MACROD1: variants seen among roughly 807,000 people sequenced by gnomAD.
MACROD1 encodes the protein ADP-ribose glycohydrolase MACROD1.
A neutral mutation model predicts 41.4 loss-of-function variants in MACROD1; 31 were observed. The observed-to-expected ratio is 0.75, with a 90% confidence interval of 0.56 to 1.01. The LOEUF (loss-of-function observed/expected upper bound fraction) is 1.01. MACROD1 is among the 50% of genes least tolerant of loss of function. The pLI is 0.00. For missense variants in MACROD1, 473 were observed against 460.0 expected (o/e 1.03, Z -0.26); for synonymous variants, 252 against 203.4 (o/e 1.24, Z -2.03).
intron 3 of MACROD1, among the ~76,000 whole-genome samples, chr11:64,115,301 A>C (rs1944957071): frequency 6.6e-6 from 1 of 152,180 alleles, no homozygotes; most frequent in African/African-American, 2.4e-5. Flanking sequence ...TACACCTTGC[A>C]GCCAATTCCC....
chr11:64,164,551 T>C (rs2134741392), intron 1 of MACROD1, among the ~76,000 whole-genome samples: 1 of 152,348 alleles, frequency 6.6e-6, no homozygotes, highest in South Asian at 2.1e-4. Flanking sequence ...GCCAAGTGCC[T>C]GACAAGTTCT....
At chr11:64,008,575 C>T (rs1942952997) in intron 4 of MACROD1, among the ~76,000 whole-genome samples, 1 of 152,140 alleles carries the variant, frequency 6.6e-6, no homozygotes, top group Non-Finnish European at 1.5e-5. Context: ...CCGGGAGCAG[C>T]ATGTGCAAAG....
At chr11:64,001,841 G>A in intron 4 of MACROD1, 1 of 686,352 alleles carries the variant, frequency 1.5e-6, no homozygotes, top group Non-Finnish European at 2.7e-6. Context: ...GCCGTGGCTG[G>A]GCTGTGGAGC....
intron 3 of MACROD1, among the ~76,000 whole-genome samples, chr11:64,040,907 C>T (rs1228145958): frequency 2.0e-5 from 3 of 152,066 alleles, no homozygotes; most frequent in Admixed American, 2.0e-4. Flanking sequence ...ATCCGACGTC[C>T]GGCCAGGCCC....
At chr11:64,148,650 C>T (rs1037719162) in intron 3 of MACROD1, 18 of 781,822 alleles carry the variant, frequency 2.3e-5, no homozygotes, top group African/African-American at 5.6e-5. Flanking sequence ...TTAATGGACA[C>T]GTATTCTCTT....
chr11:64,158,864 G>C (rs781151155), intron 1 of MACROD1, among the ~76,000 whole-genome samples: 5 of 152,116 alleles, frequency 3.3e-5, no homozygotes, highest in Non-Finnish European at 5.9e-5. Flanking sequence ...GGGGGATAAA[G>C]AAGTGCCTCA....
At chr11:64,114,341 C>T (rs1944929263) in intron 3 of MACROD1, among the ~76,000 whole-genome samples, 1 of 45,608 alleles carries the variant, frequency 2.2e-5, no homozygotes, top group Non-Finnish European at 7.5e-5. Context: ...ACAGTAGATA[C>T]ATGATGGATG....
intron 3 of MACROD1, among the ~76,000 whole-genome samples, chr11:64,124,380 C>T (rs1277152548): frequency 1.3e-5 from 2 of 152,236 alleles, no homozygotes; most frequent in Non-Finnish European, 2.9e-5. Flanking sequence ...CATCCATCAC[C>T]GCCGGTGGAT....
chr11:64,124,930 T>G (rs1945155612), intron 3 of MACROD1, among the ~76,000 whole-genome samples: 1 of 152,226 alleles, frequency 6.6e-6, no homozygotes, highest in Non-Finnish European at 1.5e-5. Flanking sequence ...TCCGCCCACC[T>G]TGGCCTCCCA....
In MACROD1 at chr11:64,028,876, T is replaced by TA. The variant is rs1943257956; in HGVS notation, c.518-13596dup. On this transcript the variant is annotated intron_variant, in intron 3 of 10. Transcript: ENST00000255681. ...GACTCAGGGAGGGAGACCCTGGGCT[T>TA]AGGACACTCTTTCTCCTTACTTCCC... 2.6e-5 allele frequency among the ~76,000 whole-genome samples: 4 copies of TA among 151,996 alleles called. No individual in the cohort carries two copies. In the South Asian group the frequency reaches 8.3e-4, roughly 31 times the overall value.
chr11:64,158,541 C>T (rs1945704311), intron 1 of MACROD1, among the ~76,000 whole-genome samples: 1 of 152,146 alleles, frequency 6.6e-6, no homozygotes, highest in Non-Finnish European at 1.5e-5. Context: ...CCACGCCTGG[C>T]CCAAAGTGGT....
At chr11:64,012,246 G>A (rs1426607938) in intron 4 of MACROD1, among the ~76,000 whole-genome samples, 1 of 152,170 alleles carries the variant, frequency 6.6e-6, no homozygotes, top group Non-Finnish European at 1.5e-5. Flanking sequence ...GGCCAGGGCA[G>A]GGCCCCTCCA....
intron 1 of MACROD1, among the ~76,000 whole-genome samples, chr11:64,153,983 C>T (rs2134712672): frequency 6.6e-6 from 1 of 152,200 alleles, no homozygotes; most frequent in Admixed American, 6.5e-5. Context: ...CCACTTCTTC[C>T]CTCCCATGCT....
chr11:64,111,829 G>T (rs1170296982), intron 3 of MACROD1, among the ~76,000 whole-genome samples: 2 of 152,246 alleles, frequency 1.3e-5, no homozygotes, highest in Non-Finnish European at 2.9e-5. Flanking sequence ...GAGGTGGTCA[G>T]ATAAGGGTCA....
At chr11:64,005,727 T>C (rs1942900158) in intron 4 of MACROD1, among the ~76,000 whole-genome samples, 1 of 152,216 alleles carries the variant, frequency 6.6e-6, no homozygotes, top group Non-Finnish European at 1.5e-5. Context: ...AGGCAGGGGA[T>C]TCCTTTGCCC....
chr11:64,072,056 C>G (rs967460998), intron 3 of MACROD1, among the ~76,000 whole-genome samples: 5 of 151,644 alleles, frequency 3.3e-5, no homozygotes, highest in African/African-American at 1.2e-4. Context: ...TAAATCCTCC[C>G]GGCAGACAAG....
chr11:64,108,935 G>C (rs933937710), intron 3 of MACROD1, among the ~76,000 whole-genome samples: 2 of 152,358 alleles, frequency 1.3e-5, no homozygotes, highest in African/African-American at 4.8e-5. Flanking sequence ...CCTAAGGACA[G>C]AGGCAGGCAG....
rs541212138 is a variant in MACROD1 at position 64,122,516 on chromosome 11, G to A, written c.517+28723C>T. Among the ~76,000 whole-genome samples the A allele has an allele frequency of 3.3e-5, 5 of 152,196 alleles. No individual in the cohort carries two copies. Among genetic ancestry groups the A allele is most frequent in the Non-Finnish European group, 7.3e-5 (5 of 68,030 alleles). ...GCACCGGGTCTCCTCCTTCCCCTGG[G>A]GATCTGGGAAACCCTCCCTCTGAGC... On this transcript the variant is annotated intron_variant, in intron 3 of 10. Transcript: ENST00000255681. The surrounding 1 kb of genome is among the most constrained non-coding windows in gnomAD (Gnocchi z 4.0).
At chr11:64,107,344 C>G (rs1002766686) in intron 3 of MACROD1, among the ~76,000 whole-genome samples, 4 of 152,108 alleles carry the variant, frequency 2.6e-5, no homozygotes, top group African/African-American at 7.2e-5. Flanking sequence ...TTCATCCCCC[C>G]ACCCCCTCCT....
Sources: allele counts gnomAD v4.1 joint callset (sites outside exome capture counted in the v4.1 genomes callset), GRCh38; gene constraint gnomAD v4.1.1; non-coding constraint Gnocchi (gnomAD v3.1); transcripts MANE v1.5; gene names NCBI Gene and HGNC (gene_info 2026-07-23, HGNC 2026-07-21).